Variants in KCTD16 observed in about 807,000 individuals in gnomAD.
KCTD16 encodes potassium channel tetramerization domain containing 16, also known as BTB/POZ domain-containing protein KCTD16.
A neutral mutation model predicts 33.2 loss-of-function variants in KCTD16; 13 were observed. The observed-to-expected ratio is 0.39, with a 90% CI of 0.25 to 0.62. The LOEUF (loss-of-function observed/expected upper bound fraction) is 0.62. Ranked by LOEUF, KCTD16 falls within the 20% of genes least tolerant of loss-of-function variation. KCTD16 has a pLI of 0.50. For missense variants in KCTD16, 441 were observed against 525.1 expected, an observed-to-expected ratio of 0.84 and a Z score of 1.57; for synonymous variants, 197 against 195.3, an observed-to-expected ratio of 1.01 and a Z score of -0.07.
intron 3 of KCTD16, chr5:144,377,850 C>G (rs1315514968): frequency 1.3e-5 from 2 of 152,120 alleles, no homozygotes; most frequent in Admixed American, 6.6e-5. Context: ...TTCCACAATG[C>G]CATGATTTTG....
intron 3 of KCTD16, among the ~76,000 whole-genome samples, chr5:144,339,144 A>G (rs1403592379): frequency 6.6e-6 from 1 of 152,216 alleles, no homozygotes; most frequent in Admixed American, 6.5e-5. Flanking sequence ...ACTCTGTACC[A>G]GGCACTCTGC....
intron 3 of KCTD16, among the ~76,000 whole-genome samples, chr5:144,408,801 T>G (rs1349218205): frequency 6.6e-6 from 1 of 152,200 alleles, no homozygotes; most frequent in African/African-American, 2.4e-5. Context: ...ATCACCTCCT[T>G]TCTTTTATTC....
At chr5:144,265,229 C>T (rs926296222) in intron 3 of KCTD16, among the ~76,000 whole-genome samples, 11 of 152,048 alleles carry the variant, frequency 7.2e-5, no homozygotes, top group Non-Finnish European at 1.2e-4. Context: ...AGGACATTAG[C>T]ATGGTTTAAT....
chr5:144,455,394 T>C (rs1019929860), intron 3 of KCTD16, among the ~76,000 whole-genome samples: 2 of 152,138 alleles, frequency 1.3e-5, no homozygotes, highest in African/African-American at 4.8e-5. Flanking sequence ...CAACAGTACT[T>C]ATTTTTACTA....
intron 3 of KCTD16, among the ~76,000 whole-genome samples, chr5:144,313,149 A>T (rs1434315788): frequency 6.6e-6 from 1 of 152,198 alleles, no homozygotes; most frequent in African/African-American, 2.4e-5. Flanking sequence ...TTGGCAGTAA[A>T]AGTGAGTAGG....
intron 3 of KCTD16, among the ~76,000 whole-genome samples, chr5:144,264,348 C>T (rs1755086368): frequency 6.6e-6 from 1 of 152,094 alleles, no homozygotes; most frequent in East Asian, 1.9e-4. Flanking sequence ...TCACGTTTTT[C>T]ATTTTGTACT....
intron 3 of KCTD16, among the ~76,000 whole-genome samples, chr5:144,305,121 T>A (rs1202696222): frequency 6.6e-6 from 1 of 151,688 alleles, no homozygotes; most frequent in African/African-American, 2.4e-5. Context: ...GAGAGAAAAC[T>A]GATTAAGGTT....
intron 3 of KCTD16, among the ~76,000 whole-genome samples, chr5:144,417,723 T>C (rs1580947355): frequency 2.0e-5 from 3 of 152,310 alleles, no homozygotes; most frequent in Middle Eastern, 3.4e-3. Flanking sequence ...AAGTGTTTTA[T>C]GGTTTTAGGT....
At chr5:144,451,011 G>T (rs1753929346) in intron 3 of KCTD16, among the ~76,000 whole-genome samples, 1 of 152,054 alleles carries the variant, frequency 6.6e-6, no homozygotes, top group Non-Finnish European at 1.5e-5. Flanking sequence ...AGGAAATTTT[G>T]GAGGTGATGA....
At chr5:144,357,431 C>T (rs916143971) in intron 3 of KCTD16, among the ~76,000 whole-genome samples, 2 of 152,098 alleles carry the variant, frequency 1.3e-5, no homozygotes, top group South Asian at 2.1e-4. Context: ...AATCAATGAG[C>T]CTTTCTTGAA....
chr5:144,311,228 A>G (rs1180572763), intron 3 of KCTD16, among the ~76,000 whole-genome samples: 1 of 152,220 alleles, frequency 6.6e-6, no homozygotes, highest in East Asian at 1.9e-4. Flanking sequence ...GCACATGTAT[A>G]CATATGTAAC....
At position 144,473,755 on chromosome 5, in the gene KCTD16, C is replaced by T. The variant is rs1754530518; in HGVS notation, c.928C>T (p.Leu310Phe). The change falls in exon 4 of 4, where the codon CTC (leucine) becomes TTC (phenylalanine). Residue 310 changes from leucine to phenylalanine, a missense_variant. Around this residue, in one of 3 missense-constraint regions of KCTD16, gnomAD observed 355 missense variants for 413.0 expected, o/e 0.86. Transcript: ENST00000512467. ...EGESGTSCND[L>F]STSSCDSQSE... ...GGAGAGCGGCACGTCTTGCAATGAC[C>T]TCTCCACATCTAGCTGCGACAGCCA... The T allele has an allele frequency of 6.2e-7, 1 of 1,614,098 alleles. No homozygotes were observed. Among genetic ancestry groups the T allele is most frequent in the Non-Finnish European group, 8.5e-7 (1 of 1,179,992 alleles).
intron 3 of KCTD16, among the ~76,000 whole-genome samples, chr5:144,258,383 A>T (rs1754910257): frequency 6.6e-6 from 1 of 152,168 alleles, no homozygotes; most frequent in East Asian, 1.9e-4. Flanking sequence ...TTATCATGGT[A>T]TTCAAGTTAG....
At chr5:144,217,249 G>A (rs1234042731) in intron 3 of KCTD16, among the ~76,000 whole-genome samples, 1 of 152,128 alleles carries the variant, frequency 6.6e-6, no homozygotes, top group Non-Finnish European at 1.5e-5. Context: ...TTTCCTATGG[G>A]CATATGCCTG....
intron 3 of KCTD16, among the ~76,000 whole-genome samples, chr5:144,238,569 GT>G (rs2126819306): frequency 6.6e-6 from 1 of 152,248 alleles, no homozygotes; most frequent in East Asian, 1.9e-4. Context: ...GACTGTGATG[GT>G]AACCGGGCTT....
chr5:144,323,910 T>A (rs1752138744), intron 3 of KCTD16, among the ~76,000 whole-genome samples: 1 of 152,198 alleles, frequency 6.6e-6, no homozygotes, highest in Non-Finnish European at 1.5e-5. Flanking sequence ...GCTTCACTAA[T>A]GTTTTACAAT....
In KCTD16 at chr5:144,288,997, A is replaced by G. The variant is rs537081012; in HGVS notation, c.832+81451A>G. 2.0e-5 allele frequency among the ~76,000 whole-genome samples: 3 copies of G among 152,210 alleles called. No individual in the cohort carries two copies. In the East Asian group the frequency reaches 5.8e-4, roughly 29 times the overall value. On this transcript the variant is annotated intron_variant, in intron 3 of 3. Transcript: ENST00000512467. ...CCATTGCATTCTAGCCTGGGCAACA[A>G]TAGTGAAACTCTGTCTCAAAACAAA... is the stretch of plus-strand genomic sequence containing the variant.
chr5:144,320,976 C>T (rs1752057953), intron 3 of KCTD16, among the ~76,000 whole-genome samples: 1 of 152,158 alleles, frequency 6.6e-6, no homozygotes, highest in African/African-American at 2.4e-5. Context: ...CTGCCTCAGC[C>T]TCCTAAGTAG....
intron 3 of KCTD16, among the ~76,000 whole-genome samples, chr5:144,468,262 A>G (rs922647235): frequency 6.6e-6 from 1 of 152,114 alleles, no homozygotes; most frequent in African/African-American, 2.4e-5. Context: ...TGCAGCCACT[A>G]TCTTTGTCTC....
Sources: gnomAD v4.1 joint callset for allele counts (sites outside exome capture counted in the v4.1 genomes callset) on GRCh38, gnomAD v4.1.1 for gene constraint, gnomAD v4.1.1 regional missense constraint, MANE v1.5 for transcripts, NCBI Gene and HGNC (gene_info 2026-07-23, HGNC 2026-07-21) for gene names.